Variants in SLC4A10 observed in about 807,000 individuals in gnomAD.
The protein encoded by SLC4A10 is solute carrier family 4 member 10.
In SLC4A10, 42 loss-of-function variants were observed where a neutral mutation model predicts 137.7. The ratio of observed to expected loss-of-function variants is 0.30; its 90% confidence interval spans 0.24 to 0.39. The LOEUF (loss-of-function observed/expected upper bound fraction) is 0.39, where lower values mean the gene tolerates loss of function less well. Among genes scored for constraint, SLC4A10 ranks in the 10% least tolerant of loss-of-function variants. The probability of loss-of-function intolerance (pLI) is 1.00; values close to 1 mark genes in which losing one functional copy is unlikely to be tolerated. For missense variants in SLC4A10, 925 were observed against 1,355.0 expected, an observed-to-expected ratio of 0.68 and a Z score of 4.98; for synonymous variants, 474 against 464.1, an observed-to-expected ratio of 1.02 and a Z score of -0.27.
In SLC4A10 at chr2:161,667,555, A is replaced by G. The variant is rs374741675; in HGVS notation, c.48+42989A>G. 2.2e-4 allele frequency among the ~76,000 whole-genome samples: 33 copies of G among 151,854 alleles called. No individual in the cohort carries two copies. The South Asian group carries it at 5.2e-3, about 24-fold the overall frequency. On this transcript the variant is annotated intron_variant, in intron 1 of 26. Transcript: ENST00000446997. ...CTGTGACATCCATAACGTTTCAGCC[A>G]TAAGTCCAGTGTAATCTACAGCCAT...
rs1700534394 is a variant in SLC4A10, at chr2:161,983,861, G to A, written c.*709G>A. 1 of 152,174 alleles carries A rather than the reference G, an allele frequency of 6.6e-6. No homozygotes were observed. The highest frequency in any genetic ancestry group is 2.4e-5 in the African/African-American group (1 of 41,438). 9.4% of individuals were successfully genotyped at this position (152,174 alleles called of 1,614,324 possible). ...ACAATCAGACATAATGCAGAGTTAA[G>A]TAGTATTTGCTTAAAATTCAAGTTG... On this transcript the variant is annotated 3_prime_UTR_variant, in exon 27 of 27. Transcript: ENST00000446997.
chr2:161,635,165 G>T (rs1040097502), intron 1 of SLC4A10, among the ~76,000 whole-genome samples: 8 of 151,800 alleles, frequency 5.3e-5, no homozygotes, highest in Non-Finnish European at 1.0e-4. Flanking sequence ...TGCCCTTTAT[G>T]TATTTTTTTT....
At chr2:161,656,980 T>C (rs1022162374) in intron 1 of SLC4A10, among the ~76,000 whole-genome samples, 1 of 152,102 alleles carries the variant, frequency 6.6e-6, no homozygotes, top group African/African-American at 2.4e-5. Flanking sequence ...ATTTATAATT[T>C]GTTAGATTCT....
intron 2 of SLC4A10, among the ~76,000 whole-genome samples, chr2:161,798,525 CTTA>C (rs1353685808): frequency 2.6e-5 from 4 of 151,706 alleles, no homozygotes; most frequent in Non-Finnish European, 5.9e-5. Flanking sequence ...AATACTGATC[CTTA>C]TTATATAATT....
intron 1 of SLC4A10, among the ~76,000 whole-genome samples, chr2:161,635,871 C>A (rs1336257284): frequency 1.3e-5 from 2 of 152,092 alleles, no homozygotes; most frequent in East Asian, 3.9e-4. Context: ...GAATGGTCTG[C>A]CACTGTGGGC....
At chr2:161,684,104 C>G (rs1421290792) in intron 1 of SLC4A10, among the ~76,000 whole-genome samples, 1 of 152,110 alleles carries the variant, frequency 6.6e-6, no homozygotes, top group Non-Finnish European at 1.5e-5. Context: ...AATTTGATGA[C>G]TCTAAGTAAT....
chr2:161,631,406 A>C (rs531735640), intron 1 of SLC4A10, among the ~76,000 whole-genome samples: 5 of 151,902 alleles, frequency 3.3e-5, no homozygotes, highest in Admixed American at 1.3e-4. Flanking sequence ...ACATTTATAT[A>C]AATTAAGAAG....
At chr2:161,944,692 C>A (rs1453641322) in intron 16 of SLC4A10, among the ~76,000 whole-genome samples, 1 of 151,164 alleles carries the variant, frequency 6.6e-6, no homozygotes, top group Non-Finnish European at 1.5e-5. Flanking sequence ...GCAGTTTTTG[C>A]AATGGATAAT....
chr2:161,735,347 C>T (rs116325002), intron 1 of SLC4A10, among the ~76,000 whole-genome samples: 3,758 of 151,234 alleles, frequency 0.025, 118 homozygotes, highest in African/African-American at 0.075. Context: ...GGTTTTTATA[C>T]CATTTAAAAA....
At chr2:161,655,176 C>T (rs1006287385) in intron 1 of SLC4A10, among the ~76,000 whole-genome samples, 2 of 151,712 alleles carry the variant, frequency 1.3e-5, no homozygotes, top group African/African-American at 4.8e-5. Flanking sequence ...TTTTAGATAG[C>T]TAATTGTTAG....
chr2:161,928,467 A>G (rs2105590449), intron 15 of SLC4A10, among the ~76,000 whole-genome samples: 1 of 151,452 alleles, frequency 6.6e-6, no homozygotes, highest in Non-Finnish European at 1.5e-5. Flanking sequence ...GCACATGTAT[A>G]CATATGTAAC....
chr2:161,710,343 T>C (rs1427641871), intron 1 of SLC4A10, among the ~76,000 whole-genome samples: 1 of 151,790 alleles, frequency 6.6e-6, no homozygotes, highest in Non-Finnish European at 1.5e-5. Context: ...CCTCTTGGTA[T>C]TGGTTTCACA....
chr2:161,697,688 A>G (rs911817799), intron 1 of SLC4A10, among the ~76,000 whole-genome samples: 8 of 152,170 alleles, frequency 5.3e-5, no homozygotes, highest in Admixed American at 3.9e-4. Context: ...TACCAGTACC[A>G]TGCTGTTTTG....
chr2:161,649,345 A>G (rs1047425024), intron 1 of SLC4A10, among the ~76,000 whole-genome samples: 2 of 152,226 alleles, frequency 1.3e-5, no homozygotes, highest in Non-Finnish European at 2.9e-5. Context: ...TGGGTGACAG[A>G]GCCAGACCTT....
intron 16 of SLC4A10, among the ~76,000 whole-genome samples, chr2:161,946,830 G>T (rs1356900896): frequency 6.6e-6 from 1 of 151,990 alleles, no homozygotes; most frequent in East Asian, 1.9e-4. Context: ...TATGAGCTTT[G>T]CCTTGCTCAT....
chr2:161,955,064 C>G (rs1190375708), intron 19 of SLC4A10, among the ~76,000 whole-genome samples: 1 of 152,140 alleles, frequency 6.6e-6, no homozygotes, highest in East Asian at 1.9e-4. Flanking sequence ...TTTGATTTCT[C>G]TTAGCAGTAC....
At chr2:161,752,982 A>G (rs1425752722) in intron 1 of SLC4A10, among the ~76,000 whole-genome samples, 1 of 152,130 alleles carries the variant, frequency 6.6e-6, no homozygotes, top group Non-Finnish European at 1.5e-5. Context: ...CACAATATCT[A>G]CATATAGCAA....
At chr2:161,817,775 A>C (rs2057232254) in intron 3 of SLC4A10, among the ~76,000 whole-genome samples, 1 of 152,082 alleles carries the variant, frequency 6.6e-6, no homozygotes. Context: ...GGTTTGTCAA[A>C]GATCAGATAG....
chr2:161,764,356 T>TA (rs1173252111), intron 1 of SLC4A10, among the ~76,000 whole-genome samples: 1 of 151,886 alleles, frequency 6.6e-6, no homozygotes, highest in Non-Finnish European at 1.5e-5. Context: ...GAAGGCTAAA[T>TA]AAAAAATCAA....
Sources: allele counts gnomAD v4.1 joint callset (sites outside exome capture counted in the v4.1 genomes callset), GRCh38; gene constraint gnomAD v4.1.1; transcripts MANE v1.5; gene names NCBI Gene and HGNC (gene_info 2026-07-23, HGNC 2026-07-21).